Variants in SORBS2 observed in about 807,000 individuals in gnomAD.
SORBS2 encodes sorbin and SH3 domain containing 2.
SORBS2 carries 46 observed loss-of-function variants against 97.7 expected under a neutral mutation model. The ratio of observed to expected loss-of-function variants is 0.47; its 90% confidence interval spans 0.37 to 0.60. SORBS2 has a LOEUF of 0.60. SORBS2 is among the 20% of genes least tolerant of loss of function. The pLI, the probability that SORBS2 is intolerant of heterozygous loss-of-function variation, is 0.00. For synonymous variants in SORBS2, 476 were observed against 473.4 expected (o/e 1.01, Z -0.07); for missense variants, 1,316 against 1,282.3 (o/e 1.03, Z -0.40).
intron 3 of SORBS2, among the ~76,000 whole-genome samples, chr4:185,647,530 C>G (rs1031534129): frequency 1.3e-5 from 2 of 151,488 alleles, no homozygotes; most frequent in African/African-American, 4.9e-5. Context: ...CATCCTCTCT[C>G]CTCAGCCTCC....
rs187816306 is a variant in SORBS2 at position 185,683,364 on chromosome 4, C to T, written c.-197-4542G>A. 4.5e-4 allele frequency among the ~76,000 whole-genome samples: 68 copies of T among 152,220 alleles called. 1 individual carries two copies. The highest frequency in any genetic ancestry group is 8.5e-4 in the Admixed American group (13 of 15,290). Reference sequence around the variant, plus strand: ...GGAAGCAGTGTGGCGTTCCCTGGTACGTGCGTCAAGGTTCACGTCTGAGTA... The same window carrying T: ...GGAAGCAGTGTGGCGTTCCCTGGTATGTGCGTCAAGGTTCACGTCTGAGTA... On this transcript the variant is annotated intron_variant, in intron 2 of 20. Transcript: ENST00000284776.
chr4:185,652,693 C>A, exon 2 of SORBS2: 1 of 1,614,184 alleles, frequency 6.2e-7, no homozygotes. Context: ...TTTGCTTAAA[C>A]ATCGTCTTGT....
chr4:185,802,473 G>C (rs919460963), intron 1 of SORBS2, among the ~76,000 whole-genome samples: 4 of 152,180 alleles, frequency 2.6e-5, no homozygotes, highest in Admixed American at 2.0e-4. Context: ...GTTGTACCCA[G>C]AACTTAGGTC....
intron 1 of SORBS2, among the ~76,000 whole-genome samples, chr4:185,809,332 G>A (rs1023606626): frequency 2.7e-5 from 4 of 149,828 alleles, no homozygotes; most frequent in African/African-American, 9.9e-5. Context: ...AGATTCAGAT[G>A]TAGCCAAGCA....
rs546865666 is a variant in SORBS2, at chr4:185,852,834, T to A, written c.-337-77468A>T. 1.3e-4 allele frequency among the ~76,000 whole-genome samples: 20 copies of A among 152,330 alleles called. No individual in the cohort carries two copies. In the South Asian group the frequency reaches 4.1e-3, roughly 32 times the overall value. The stretch of plus-strand genomic sequence containing the variant: ...TTTTGTGGTTTCTCTTTTTGTTTAC[T>A]TGAATTAACATAAAAACAGTGCTTT... On this transcript the variant is annotated intron_variant, in intron 1 of 20. Coordinates refer to the SORBS2 transcript ENST00000284776.
intron 3 of SORBS2, among the ~76,000 whole-genome samples, chr4:185,648,128 TG>T (rs959699639): frequency 3.8e-4 from 57 of 150,246 alleles, no homozygotes; most frequent in Non-Finnish European, 7.5e-4. Flanking sequence ...AATTTTTATT[TG>T]TTTTTTTTTT....
chr4:185,901,061 C>G (rs1310899307), intron 1 of SORBS2, among the ~76,000 whole-genome samples: 1 of 152,156 alleles, frequency 6.6e-6, no homozygotes, highest in African/African-American at 2.4e-5. Context: ...AGAATTAGCA[C>G]CAGTATTTTG....
intron 2 of SORBS2, among the ~76,000 whole-genome samples, chr4:185,724,351 A>C (rs1271236892): frequency 6.6e-6 from 1 of 151,146 alleles, no homozygotes; most frequent in Admixed American, 6.6e-5. Context: ...AAAAGACAAA[A>C]GGATGAGCAG....
intron 12 of SORBS2, among the ~76,000 whole-genome samples, chr4:185,610,958 T>G (rs6552898): frequency 0.66 from 99,570 of 151,924 alleles, 33,607 homozygotes; most frequent in African/African-American, 0.81. Flanking sequence ...ATATAATTCA[T>G]CAGAAAAATA....
At chr4:185,637,796 T>C (rs1252288627) in intron 4 of SORBS2, among the ~76,000 whole-genome samples, 1 of 152,098 alleles carries the variant, frequency 6.6e-6, no homozygotes, top group Non-Finnish European at 1.5e-5. Flanking sequence ...GTAATAATTG[T>C]CTGAATATTC....
At chr4:185,662,548 T>C (rs2097537368) in intron 4 of SORBS2, among the ~76,000 whole-genome samples, 1 of 152,210 alleles carries the variant, frequency 6.6e-6, no homozygotes, top group African/African-American at 2.4e-5. Flanking sequence ...TAGGAGTCAG[T>C]ACCAAGTAAA....
chr4:185,787,996 G>A (rs2153642364), intron 1 of SORBS2, among the ~76,000 whole-genome samples: 1 of 152,344 alleles, frequency 6.6e-6, no homozygotes, highest in South Asian at 2.1e-4. Flanking sequence ...CGGCGAATGG[G>A]CAGGTGACAT....
chr4:185,624,994 C>T (rs542495431), intron 6 of SORBS2, among the ~76,000 whole-genome samples: 1 of 152,264 alleles, frequency 6.6e-6, no homozygotes, highest in South Asian at 2.1e-4. Flanking sequence ...AATTAATACT[C>T]TCATGACTAT....
In SORBS2 at chr4:185,635,521, G is replaced by A. The variant is rs1242067439; in HGVS notation, c.397-4923C>T. ...AGGTGACAACAGTTAGAAATTGAGT[G>A]TTGACAGCACCAGCTACACAAACAG... On this transcript the variant is annotated intron_variant, in intron 4 of 14. Coordinates refer to ENST00000418609, the Ensembl canonical transcript of SORBS2. The A allele has an allele frequency of 3.8e-6, 3 of 782,906 alleles. No homozygotes were observed. The East Asian group carries it at 8.1e-5, about 21-fold the overall frequency. 48.5% of individuals were successfully genotyped at this position (782,906 alleles called of 1,614,324 possible). A position where few individuals can be genotyped will look rare whatever the true frequency, so the allele number is the denominator to read the frequency against.
intron 1 of SORBS2, among the ~76,000 whole-genome samples, chr4:185,905,102 CAAAA>C (rs201976720): frequency 2.8e-5 from 4 of 141,328 alleles, no homozygotes; most frequent in African/African-American, 7.8e-5. Context: ...GAAACTCTGT[CAAAA>C]AAAAAAAAGA....
At chr4:185,756,573 T>C (rs2098831890) in intron 2 of SORBS2, among the ~76,000 whole-genome samples, 1 of 152,198 alleles carries the variant, frequency 6.6e-6, no homozygotes, top group Non-Finnish European at 1.5e-5. Context: ...GGTCAGTCTA[T>C]AAAAATGTAT....
At chr4:185,738,151 C>T (rs10026855) in intron 2 of SORBS2, among the ~76,000 whole-genome samples, 122,832 of 152,250 alleles carry the variant, frequency 0.81, 50,017 homozygotes, top group African/African-American at 0.85. Flanking sequence ...ATGACACATA[C>T]ACTTTACTGA....
intron 1 of SORBS2, among the ~76,000 whole-genome samples, chr4:185,813,366 C>G (rs894374001): frequency 2.0e-5 from 3 of 152,186 alleles, no homozygotes; most frequent in Non-Finnish European, 2.9e-5. Flanking sequence ...CGCTCCCCTT[C>G]CTCCCCAACC....
rs145475159 is a variant in SORBS2, at chr4:185,624,135, G to A, written c.994C>T (p.Pro332Ser). 20 of 1,614,166 alleles carry A rather than the reference G, an allele frequency of 1.2e-5. No homozygotes were observed. In the African/African-American group the frequency reaches 2.5e-4, roughly 20 times the overall value. The stretch of plus-strand genomic sequence containing the variant: ...GATCTGCCGTTACTGCGAACCTCCG[G>A]GACGTAGGGGGACCCCCACGCCATG... Residue 332 changes from proline to serine, a missense_variant, in exon 7 of 15, where the codon CCG (proline) becomes TCG (serine). Coordinates refer to ENST00000418609, the Ensembl canonical transcript of SORBS2.
Sources: allele counts gnomAD v4.1 joint callset (sites outside exome capture counted in the v4.1 genomes callset), GRCh38; gene constraint gnomAD v4.1.1; transcripts MANE v1.5; gene names NCBI Gene and HGNC (gene_info 2026-07-23, HGNC 2026-07-21).